Variants in SCRN1 observed in about 807,000 individuals in gnomAD.
SCRN1 encodes the protein secernin-1.
Under a neutral mutation model 43.3 loss-of-function variants are expected in SCRN1, and 19 were observed. The ratio of observed to expected loss-of-function variants is 0.44; its 90% CI spans 0.31 to 0.64. SCRN1 has a LOEUF of 0.64. Among genes scored for constraint, SCRN1 ranks in the 30% least tolerant of loss-of-function variants. SCRN1 has a pLI of 0.09. For missense variants in SCRN1, 447 were observed against 524.1 expected, an observed-to-expected ratio of 0.85 and a Z score of 1.44; for synonymous variants, 183 against 188.9, an observed-to-expected ratio of 0.97 and a Z score of 0.26.
intron 2 of SCRN1, among the ~76,000 whole-genome samples, chr7:29,968,008 T>A (rs1177322863): frequency 6.6e-6 from 1 of 152,226 alleles, no homozygotes; most frequent in Admixed American, 6.5e-5. Flanking sequence ...TAAAATTACA[T>A]TTTTATTTAC....
At chr7:29,989,501 G>C (rs1017720683) in intron 1 of SCRN1, 141 bp downstream of exon 1, 1 of 964,566 alleles carries the variant, frequency 1.0e-6, no homozygotes, top group Non-Finnish European at 1.2e-6. Flanking sequence ...CCAGCACCGG[G>C]AATCGGCCTG....
intron 4 of SCRN1, among the ~76,000 whole-genome samples, chr7:29,942,788 G>A (rs973864036): frequency 2.0e-5 from 3 of 152,156 alleles, no homozygotes; most frequent in Non-Finnish European, 2.9e-5. Context: ...GAGATAGAAA[G>A]AGGCCACCCC....
intron 2 of SCRN1, 98 bp from the exon 3 acceptor site, chr7:29,955,458 CA>C: frequency 8.4e-7 from 1 of 1,195,102 alleles, no homozygotes; most frequent in Middle Eastern, 2.0e-4. Flanking sequence ...TAGTTACAAA[CA>C]GAGCCAAAAA....
intron 3 of SCRN1, among the ~76,000 whole-genome samples, chr7:29,953,442 A>G (rs1032114622): frequency 6.6e-6 from 1 of 152,178 alleles, no homozygotes; most frequent in African/African-American, 2.4e-5. Flanking sequence ...GTCCCTTAGA[A>G]ATCAACTGTT....
chr7:29,938,519 C>T (rs1419314520), intron 5 of SCRN1, among the ~76,000 whole-genome samples: 5 of 152,188 alleles, frequency 3.3e-5, no homozygotes, highest in African/African-American at 4.8e-5. Context: ...GCCATGATGC[C>T]CACGCTGGAA....
chr7:29,955,902 TACTGC>T (rs1788121266), intron 2 of SCRN1, among the ~76,000 whole-genome samples: 1 of 152,220 alleles, frequency 6.6e-6, no homozygotes, highest in African/African-American at 2.4e-5. Flanking sequence ...TGCATTTAAC[TACTGC>T]ATTACACTGT....
At chr7:29,969,241 A>ATGC in intron 1 of SCRN1, 173 bp from the exon 2 acceptor site, 1 of 642,348 alleles carries the variant, frequency 1.6e-6, no homozygotes, top group Non-Finnish European at 2.6e-6. Flanking sequence ...CAGTGGAATG[A>ATGC]CAGAGCCACC....
intron 5 of SCRN1, among the ~76,000 whole-genome samples, chr7:29,938,085 G>A (rs1429664034): frequency 6.6e-6 from 1 of 152,022 alleles, no homozygotes; most frequent in Non-Finnish European, 1.5e-5. Flanking sequence ...CAGGAGTGCA[G>A]TGGCGCAATC....
chr7:29,973,607 A>G (rs988819696), intron 1 of SCRN1, among the ~76,000 whole-genome samples: 1 of 152,146 alleles, frequency 6.6e-6, no homozygotes, highest in Non-Finnish European at 1.5e-5. Context: ...AGGTCACATC[A>G]AGTACTTTAG....
chr7:29,983,036 A>C (rs1789039419), intron 1 of SCRN1, among the ~76,000 whole-genome samples: 1 of 151,728 alleles, frequency 6.6e-6, no homozygotes, highest in African/African-American at 2.4e-5. Flanking sequence ...ACGTGGTTTC[A>C]CCATGTTGGC....
rs780175774 is a variant in SCRN1 at position 29,969,099 on chromosome 7, C to A, written c.-1-31G>T. ...AAGAGAATGCCAGCAAGAGTGGAAG[C>A]AGGCCTCACATGGAACACTCCAACA... On this transcript the variant is annotated intron_variant, in intron 1 of 7. Transcript: ENST00000242059. 1.9e-6 allele frequency: 3 copies of A among 1,600,632 alleles called. No individual in the cohort carries two copies. In the South Asian group the frequency reaches 3.4e-5, roughly 18 times the overall value.
chr7:29,969,234 T>A, intron 1 of SCRN1, 166 bp from the exon 2 acceptor site: 1 of 703,430 alleles, frequency 1.4e-6, no homozygotes, highest in Non-Finnish European at 2.3e-6. Flanking sequence ...ACGCCTGCAG[T>A]GGAATGACAG....
At chr7:29,932,726 A>G (rs1787202179) in intron 6 of SCRN1, among the ~76,000 whole-genome samples, 1 of 151,176 alleles carries the variant, frequency 6.6e-6, no homozygotes, top group Admixed American at 6.6e-5. Flanking sequence ...AGACACACAG[A>G]CATACAAATA....
chr7:29,935,282 G>C (rs1306251473), intron 6 of SCRN1, among the ~76,000 whole-genome samples: 1 of 152,214 alleles, frequency 6.6e-6, no homozygotes, highest in Non-Finnish European at 1.5e-5. Flanking sequence ...AGGGTCACAA[G>C]AGGTGCTTCA....
chr7:29,936,367 T>C (rs145093527), intron 6 of SCRN1, among the ~76,000 whole-genome samples, 189 bp downstream of exon 6: 154 of 152,368 alleles, frequency 1.0e-3, no homozygotes, highest in African/African-American at 3.5e-3. Context: ...ATAAATACTA[T>C]GTGACTAAAA....
At chr7:29,955,553 C>T (rs919091980) in intron 2 of SCRN1, among the ~76,000 whole-genome samples, 193 bp from the exon 3 acceptor site, 2 of 152,232 alleles carry the variant, frequency 1.3e-5, no homozygotes, top group African/African-American at 4.8e-5. Context: ...GACTGTGTGG[C>T]TTATGCCAAT....
intron 1 of SCRN1, among the ~76,000 whole-genome samples, chr7:29,973,249 T>C (rs1415490689): frequency 1.3e-5 from 2 of 152,252 alleles, no homozygotes; most frequent in Non-Finnish European, 2.9e-5. Flanking sequence ...GAATCTCATA[T>C]CCTGACTCTG....
intron 3 of SCRN1, among the ~76,000 whole-genome samples, chr7:29,954,284 T>C (rs541121634): frequency 1.6e-3 from 247 of 152,198 alleles, no homozygotes; most frequent in African/African-American, 5.7e-3. Flanking sequence ...AGGAGGGAAG[T>C]GATCTCTGTT....
chr7:29,955,777 TA>T (rs1329408411), intron 2 of SCRN1, among the ~76,000 whole-genome samples: 5 of 152,208 alleles, frequency 3.3e-5, no homozygotes, highest in Non-Finnish European at 7.3e-5. Context: ...GATCTTTGCC[TA>T]AAGAAAGCAG....
Sources: allele counts gnomAD v4.1 joint callset (sites outside exome capture counted in the v4.1 genomes callset), GRCh38; gene constraint gnomAD v4.1.1; transcripts MANE v1.5; gene names NCBI Gene and HGNC (gene_info 2026-07-23, HGNC 2026-07-21).